The following LRP1B variants were observed in gnomAD, a reference collection of about 807,000 sequenced individuals.
LRP1B encodes LDL receptor related protein 1B.
LRP1B carries 217 observed loss-of-function variants against 556.6 expected under a neutral mutation model. The observed-to-expected ratio is 0.39, with a 90% CI of 0.35 to 0.44. The LOEUF is 0.44. Ranked by LOEUF, LRP1B falls within the 20% of genes least tolerant of loss-of-function variation. LRP1B has a pLI of 1.00. For synonymous variants in LRP1B, 2,047 were observed against 1,865.8 expected, an observed-to-expected ratio of 1.10 and a Z score of -2.50; for missense variants, 5,053 against 5,620.8, an observed-to-expected ratio of 0.90 and a Z score of 3.23.
chr2:142,021,002 T>C (rs1335573474), intron 1 of LRP1B, among the ~76,000 whole-genome samples: 1 of 152,184 alleles, frequency 6.6e-6, no homozygotes, highest in East Asian at 1.9e-4. Context: ...CCTCACAAAA[T>C]AGAACCTTCT....
chr2:140,949,044 C>G lies in LRP1B; in HGVS notation c.3136+1191G>C, dbSNP rs193252236. Among the ~76,000 whole-genome samples, 22 of 152,266 alleles carry G rather than the reference C, an allele frequency of 1.4e-4. No homozygotes were observed. The East Asian group carries it at 4.1e-3, about 28-fold the overall frequency. On this transcript the variant is annotated intron_variant, in intron 20 of 90. Transcript: ENST00000389484. ...ATAGGTTGACAAATATTGCAGAAGA[C>G]AAACATATCTGTGTAAAACACTTTG...
rs542700893 is a variant in LRP1B, at chr2:140,718,923, CTTCTTA to C, written c.5759-2113_5759-2108del. Among the ~76,000 whole-genome samples, 345 of 152,170 alleles carry C rather than the reference CTTCTTA, an allele frequency of 2.3e-3. 1 individual carries two copies. The highest frequency in any genetic ancestry group is 7.7e-3 in the African/African-American group (321 of 41,520). ...TCAGCTGTCTTAGCTCAAATATCCC[CTTCTTA>C]TTGAAACTTTCCTGCCTATTCTACA... On this transcript the variant is annotated intron_variant, in intron 35 of 90. Transcript: ENST00000389484.
At chr2:140,843,098 T>G (rs1692170226) in intron 29 of LRP1B, among the ~76,000 whole-genome samples, 3 of 30,858 alleles carry the variant, frequency 9.7e-5, no homozygotes, top group Non-Finnish European at 1.4e-4. Flanking sequence ...TTTTTTTTTT[T>G]TGTTTTTTTT....
At chr2:141,075,665 C>T (rs547657816) in intron 7 of LRP1B, among the ~76,000 whole-genome samples, 1 of 152,184 alleles carries the variant, frequency 6.6e-6, no homozygotes, top group South Asian at 2.1e-4. Flanking sequence ...TTAAGGAAGT[C>T]CTATTGGCTT....
At chr2:141,320,438 G>T (rs559937444) in intron 3 of LRP1B, among the ~76,000 whole-genome samples, 3 of 152,156 alleles carry the variant, frequency 2.0e-5, no homozygotes, top group African/African-American at 7.2e-5. Flanking sequence ...ATCTTACGGA[G>T]TACGGGCGGT....
In LRP1B at chr2:140,993,976, G is replaced by A. The variant is rs1697165837; in HGVS notation, c.2644+19C>T. 1 of 1,608,952 alleles carries A rather than the reference G, an allele frequency of 6.2e-7. No homozygotes were observed. Among genetic ancestry groups the A allele is most frequent in the African/African-American group, 1.3e-5 (1 of 74,688 alleles). ...ACTCAGGAAAATACAATTTTTAGGT[G>A]ACTTGGAAGAGAACATACAGCAGTT... On this transcript the variant is annotated intron_variant, in intron 16 of 90. Transcript: ENST00000389484.
intron 20 of LRP1B, among the ~76,000 whole-genome samples, chr2:140,931,641 G>A (rs1043974955): frequency 2.6e-5 from 4 of 152,076 alleles, no homozygotes; most frequent in East Asian, 3.9e-4. Context: ...AAGTCGAAAC[G>A]GAAGTTTCAA....
rs533482891 is a variant in LRP1B at position 140,673,591 on chromosome 2, C to T, written c.6799+26659G>A. Among the ~76,000 whole-genome samples, 13 of 152,220 alleles carry T rather than the reference C, an allele frequency of 8.5e-5. 1 individual carries two copies. In the South Asian group the frequency reaches 2.5e-3, roughly 29 times the overall value. ...CAATCCAGGCTTTTTCTATTATTGT[C>T]CTAAAAGTTCTTCCAACCTCTACCC... On this transcript the variant is annotated intron_variant, in intron 41 of 90. Transcript: ENST00000389484.
chr2:142,070,040 C>T (rs980130386), intron 1 of LRP1B, among the ~76,000 whole-genome samples: 15 of 151,706 alleles, frequency 9.9e-5, no homozygotes, highest in African/African-American at 2.9e-4. Flanking sequence ...CTCTTCTTAG[C>T]CTTGTACGAG....
At chr2:141,308,658 TA>T (rs1425998042) in intron 3 of LRP1B, among the ~76,000 whole-genome samples, 5 of 152,218 alleles carry the variant, frequency 3.3e-5, no homozygotes, top group African/African-American at 7.2e-5. Flanking sequence ...ATTATATTAA[TA>T]AAAAAATAGA....
At chr2:140,380,170 A>G (rs560215913) in intron 67 of LRP1B, among the ~76,000 whole-genome samples, 1 of 152,282 alleles carries the variant, frequency 6.6e-6, no homozygotes, top group East Asian at 1.9e-4. Context: ...AGGCACAGAG[A>G]TAAGTAACGT....
chr2:141,886,443 G>T (rs370534661), intron 1 of LRP1B, among the ~76,000 whole-genome samples: 1 of 152,102 alleles, frequency 6.6e-6, no homozygotes, highest in Non-Finnish European at 1.5e-5. Context: ...TCTTGTAGCC[G>T]TGTGTAATAG....
chr2:140,917,969 G>A (rs1433812174), intron 21 of LRP1B, among the ~76,000 whole-genome samples: 2 of 151,988 alleles, frequency 1.3e-5, no homozygotes, highest in Non-Finnish European at 2.9e-5. Flanking sequence ...GGAAGTCTCT[G>A]TACTTTCTGC....
At chr2:141,374,554 G>T (rs753781385) in intron 3 of LRP1B, among the ~76,000 whole-genome samples, 5 of 152,010 alleles carry the variant, frequency 3.3e-5, no homozygotes, top group Middle Eastern at 3.2e-3. Context: ...TGTCTTGAAG[G>T]CTTCATTCAT....
intron 2 of LRP1B, among the ~76,000 whole-genome samples, chr2:141,685,198 G>T (rs568691964): frequency 1.3e-5 from 2 of 151,982 alleles, no homozygotes; most frequent in South Asian, 4.2e-4. Context: ...TATTTTGAGT[G>T]CAGACAAATT....
intron 41 of LRP1B, among the ~76,000 whole-genome samples, chr2:140,630,126 A>G (rs758847981): frequency 2.6e-5 from 4 of 152,158 alleles, no homozygotes; most frequent in Non-Finnish European, 5.9e-5. Context: ...ATTACCTGGG[A>G]ACTTGTCAGA....
intron 1 of LRP1B, among the ~76,000 whole-genome samples, chr2:142,066,418 G>A (rs1422458256): frequency 2.0e-5 from 3 of 151,482 alleles, no homozygotes; most frequent in Non-Finnish European, 4.4e-5. Flanking sequence ...TCGCTTATAA[G>A]TTCTGCTCTC....
At chr2:142,059,538 A>AT (rs1232421023) in intron 1 of LRP1B, among the ~76,000 whole-genome samples, 1 of 93,312 alleles carries the variant, frequency 1.1e-5, no homozygotes, top group Admixed American at 1.2e-4. Flanking sequence ...ACCAGTTTTT[A>AT]TTGTTTTTTT....
At chr2:141,775,346 C>T (rs1695029650) in intron 2 of LRP1B, among the ~76,000 whole-genome samples, 1 of 152,194 alleles carries the variant, frequency 6.6e-6, no homozygotes, top group Admixed American at 6.5e-5. Flanking sequence ...ATTTTGCATA[C>T]ATTTGTAAAT....
Sources: gnomAD v4.1 joint callset for allele counts (sites outside exome capture counted in the v4.1 genomes callset) on GRCh38, gnomAD v4.1.1 for gene constraint, MANE v1.5 for transcripts, NCBI Gene and HGNC (gene_info 2026-07-23, HGNC 2026-07-21) for gene names.